ARID1B: variants seen among roughly 807,000 people sequenced by gnomAD.
The protein encoded by ARID1B is AT-rich interactive domain-containing protein 1B.
In ARID1B, 30 loss-of-function variants were observed where a neutral mutation model predicts 212.3. The observed-to-expected ratio is 0.14, with a 90% CI of 0.11 to 0.19. The LOEUF is 0.19. Among genes scored for constraint, ARID1B ranks in the 10% least tolerant of loss-of-function variants. The pLI, the probability that ARID1B is intolerant of heterozygous loss-of-function variation, is 1.00. For synonymous variants in ARID1B, 1,402 were observed against 1,301.7 expected, an observed-to-expected ratio of 1.08 and a Z score of -1.66; for missense variants, 2,891 against 3,204.0, an observed-to-expected ratio of 0.90 and a Z score of 2.36.
intron 4 of ARID1B, chr6:156,938,478 A>G (rs1792430769): frequency 6.6e-6 from 1 of 152,180 alleles, no homozygotes; most frequent in African/African-American, 2.4e-5. Flanking sequence ...CAGTCAATCC[A>G]TGATATTTGA....
rs778815787 is a variant in ARID1B, at chr6:157,184,450, T to C, written c.3919+15T>C. On this transcript the variant is annotated intron_variant, in intron 13 of 19. Coordinates refer to ENST00000636930, the MANE Select transcript of ARID1B (RefSeq NM_001374828.1). ...GCCATCTCCTGGTAAGTGGCGGCGC[T>C]GCAGTCACTGGCCCAGGAAAGCCCA... 6.2e-7 allele frequency: 1 copy of C among 1,613,614 alleles called. No individual in the cohort carries two copies. The highest frequency in any genetic ancestry group is 1.1e-5 in the South Asian group (1 of 91,048).
intron 3 of ARID1B, among the ~76,000 whole-genome samples, chr6:156,925,295 G>C (rs967302217): frequency 1.3e-5 from 2 of 152,176 alleles, no homozygotes; most frequent in Non-Finnish European, 2.9e-5. Context: ...GTAAGACTGA[G>C]ACTTATCAGT....
In ARID1B at chr6:156,815,590, C is replaced by G. The variant is rs567576901; in HGVS notation, c.1792-13637C>G. 2.0e-5 allele frequency among the ~76,000 whole-genome samples: 3 copies of G among 152,282 alleles called. No homozygotes were observed. The South Asian group carries it at 6.2e-4, about 32-fold the overall frequency. ...ATGACAGCAACTGCCTCCTGAAAAT[C>G]AATCAGGCAATTAATTTTGTAAATG... On this transcript the variant is annotated intron_variant, in intron 1 of 19. Transcript: ENST00000636930.
chr6:156,958,905 GC>G (rs1794158954), intron 4 of ARID1B, among the ~76,000 whole-genome samples: 1 of 152,134 alleles, frequency 6.6e-6, no homozygotes, highest in Non-Finnish European at 1.5e-5. Flanking sequence ...AAATAAAGGA[GC>G]CCCTTTCTTT....
chr6:157,187,512 C>T (rs534225573), intron 13 of ARID1B, among the ~76,000 whole-genome samples: 4 of 152,306 alleles, frequency 2.6e-5, no homozygotes, highest in South Asian at 2.1e-4. Context: ...CACCCTACTT[C>T]GCTCAACCCC....
chr6:157,187,824 A>G (rs1793083337), intron 13 of ARID1B, among the ~76,000 whole-genome samples: 1 of 151,430 alleles, frequency 6.6e-6, no homozygotes, highest in Admixed American at 6.6e-5. Context: ...ATAAATGTGA[A>G]TACTTGTAAA....
intron 5 of ARID1B, among the ~76,000 whole-genome samples, chr6:157,087,239 A>G (rs1286776814): frequency 3.9e-5 from 6 of 152,270 alleles, no homozygotes; most frequent in African/African-American, 1.2e-4. Flanking sequence ...GTTAGATTAT[A>G]TAAATATGAC....
chr6:156,906,555 A>C (rs1338733884), intron 3 of ARID1B, among the ~76,000 whole-genome samples: 65 of 138,072 alleles, frequency 4.7e-4, no homozygotes, highest in African/African-American at 2.0e-3. Flanking sequence ...CCAAAAAAAA[A>C]AAAAAAAAAA....
chr6:157,193,665 G>A (rs1793536046), intron 15 of ARID1B: 1 of 152,214 alleles, frequency 6.6e-6, no homozygotes. Flanking sequence ...GCCTTTCCAT[G>A]TAGTTTCTTA....
At chr6:156,893,960 G>A (rs528163098) in intron 2 of ARID1B, among the ~76,000 whole-genome samples, 1 of 152,220 alleles carries the variant, frequency 6.6e-6, no homozygotes, top group South Asian at 2.1e-4. Context: ...AGACGTAAAA[G>A]CAACAATTCG....
At chr6:156,977,090 A>T in intron 4 of ARID1B, 1 of 137,200 alleles carries the variant, frequency 7.3e-6, no homozygotes, top group Non-Finnish European at 1.3e-5. Context: ...ATACATATTT[A>T]CAAAAAAAAA....
intron 4 of ARID1B, among the ~76,000 whole-genome samples, chr6:157,042,811 A>G (rs568049863): frequency 1.3e-5 from 2 of 152,142 alleles, no homozygotes; most frequent in South Asian, 4.2e-4. Flanking sequence ...GACCTGTGCC[A>G]CAACGCCCAG....
intron 4 of ARID1B, among the ~76,000 whole-genome samples, chr6:157,026,515 C>A (rs756879895): frequency 6.6e-6 from 1 of 152,114 alleles, no homozygotes; most frequent in Non-Finnish European, 1.5e-5. Flanking sequence ...AGTGGCGGCG[C>A]CTGCCTTCTT....
At chr6:156,979,703 G>A (rs1448248892) in intron 4 of ARID1B, among the ~76,000 whole-genome samples, 7 of 151,942 alleles carry the variant, frequency 4.6e-5, no homozygotes, top group Admixed American at 6.6e-5. Flanking sequence ...GACTGCAGGC[G>A]TGCATCACCA....
At chr6:156,966,386 C>CTTTTTTTTTTTTTTT (rs1214987532) in intron 4 of ARID1B, among the ~76,000 whole-genome samples, 45 of 38,840 alleles carry the variant, frequency 1.2e-3, no homozygotes, top group South Asian at 3.3e-3. Flanking sequence ...CTTTTCTTTT[C>CTTTTTTTTTTTTTTT]TTTTTTTTTT....
At chr6:157,157,225 G>A (rs529385225) in intron 8 of ARID1B, among the ~76,000 whole-genome samples, 3 of 152,212 alleles carry the variant, frequency 2.0e-5, no homozygotes, top group South Asian at 2.1e-4. Flanking sequence ...TTCACTTCCA[G>A]CTTCATGGCT....
At chr6:157,062,622 C>T (rs574500052) in intron 4 of ARID1B, among the ~76,000 whole-genome samples, 1 of 151,728 alleles carries the variant, frequency 6.6e-6, no homozygotes, top group South Asian at 2.1e-4. Flanking sequence ...GATGAGCACT[C>T]GCTACTTGCC....
At chr6:156,791,566 A>T (rs929084194) in intron 1 of ARID1B, among the ~76,000 whole-genome samples, 2 of 152,252 alleles carry the variant, frequency 1.3e-5, no homozygotes, top group African/African-American at 4.8e-5. Context: ...TTGCTGCCTC[A>T]GGAAGAAAAG....
chr6:157,030,086 C>T (rs754373096), intron 4 of ARID1B, among the ~76,000 whole-genome samples: 14 of 152,120 alleles, frequency 9.2e-5, no homozygotes, highest in East Asian at 5.8e-4. Flanking sequence ...TACAGTTTGA[C>T]GATTTGGGCT....
Sources: gnomAD v4.1 joint callset for allele counts (sites outside exome capture counted in the v4.1 genomes callset) on GRCh38, gnomAD v4.1.1 for gene constraint, MANE v1.5 for transcripts, NCBI Gene and HGNC (gene_info 2026-07-23, HGNC 2026-07-21) for gene names.